The following FARP1 variants were observed in gnomAD, a reference collection of about 807,000 sequenced individuals.
FARP1 encodes the protein FERM, ARH/RhoGEF and pleckstrin domain protein 1.
FARP1 carries 52 observed loss-of-function variants against 128.8 expected under a neutral mutation model. The observed-to-expected ratio is 0.40, with a 90% CI of 0.32 to 0.51. The LOEUF is 0.51. Among genes scored for constraint, FARP1 ranks in the 20% least tolerant of loss-of-function variants. The pLI is 0.45. For missense variants in FARP1, 1,333 were observed against 1,367.9 expected, an observed-to-expected ratio of 0.97 and a Z score of 0.40; for synonymous variants, 580 against 551.8, an observed-to-expected ratio of 1.05 and a Z score of -0.72.
chr13:98,278,576 G>A (rs190680796), intron 2 of FARP1, among the ~76,000 whole-genome samples: 142 of 152,150 alleles, frequency 9.3e-4, no homozygotes, highest in African/African-American at 3.3e-3. Context: ...AACATCCTTC[G>A]TTTTCTGGTT....
At chr13:98,273,630 G>A (rs1214398450) in intron 2 of FARP1, among the ~76,000 whole-genome samples, 1 of 152,314 alleles carries the variant, frequency 6.6e-6, no homozygotes, top group South Asian at 2.1e-4. Context: ...TCTTGTCCAC[G>A]GAAGCATCTG....
intron 1 of FARP1, among the ~76,000 whole-genome samples, chr13:98,156,684 C>G (rs1475115507): frequency 6.6e-6 from 1 of 152,072 alleles, no homozygotes; most frequent in African/African-American, 2.4e-5. Context: ...ATAGGATGAG[C>G]CACTGTACCT....
At chr13:98,435,527 C>A (rs776757682) in intron 18 of FARP1, 49 bp from the exon 19 acceptor site, 1 of 1,566,912 alleles carries the variant, frequency 6.4e-7, no homozygotes, top group Non-Finnish European at 8.7e-7. Flanking sequence ...TAGGGGAAGA[C>A]CCCTGCCTGC....
At chr13:98,384,955 C>G in intron 7 of FARP1, 111 bp downstream of exon 7, 1 of 680,784 alleles carries the variant, frequency 1.5e-6, no homozygotes, top group Non-Finnish European at 2.6e-6. Context: ...GAGAACAACA[C>G]AAAGCGTGAG....
chr13:98,443,418 TCA>T (rs1892611316), intron 24 of FARP1, among the ~76,000 whole-genome samples: 1 of 152,100 alleles, frequency 6.6e-6, no homozygotes, highest in Non-Finnish European at 1.5e-5. Flanking sequence ...CAGGCAGCCC[TCA>T]TGTGCCAGAC....
At chr13:98,215,301 T>G (rs1880992214) in intron 2 of FARP1, among the ~76,000 whole-genome samples, 1 of 152,184 alleles carries the variant, frequency 6.6e-6, no homozygotes, top group African/African-American at 2.4e-5. Context: ...TCTAATAAAC[T>G]CCTGTGCATT....
At chr13:98,251,392 C>G (rs2139492074) in intron 2 of FARP1, among the ~76,000 whole-genome samples, 1 of 152,184 alleles carries the variant, frequency 6.6e-6, no homozygotes, top group Middle Eastern at 3.4e-3. Context: ...TAGAAAGTCC[C>G]CACTGGGGGC....
At chr13:98,355,371 T>C (rs1478242567) in intron 3 of FARP1, among the ~76,000 whole-genome samples, 2 of 152,058 alleles carry the variant, frequency 1.3e-5, no homozygotes, top group African/African-American at 2.4e-5. Context: ...CTCATTTTGG[T>C]TTTTAAAAAG....
At chr13:98,189,066 TTCCCATGATG>T (rs1299628867) in intron 1 of FARP1, among the ~76,000 whole-genome samples, 4 of 152,138 alleles carry the variant, frequency 2.6e-5, no homozygotes, top group Non-Finnish European at 5.9e-5. Flanking sequence ...TGCAGGTCAC[TTCCCATGATG>T]TCCCCAGTGA....
At position 98,262,141 on chromosome 13, in the gene FARP1, A is replaced by G. The variant is rs147315225; in HGVS notation, c.171+48728A>G. Among the ~76,000 whole-genome samples, 756 of 149,586 alleles carry G rather than the reference A, an allele frequency of 5.1e-3. 2 individuals are homozygous for G. Among genetic ancestry groups the G allele is most frequent in the African/African-American group, 0.017 (694 of 40,636 alleles). On this transcript the variant is annotated intron_variant, in intron 2 of 26. Transcript: ENST00000319562. ...AGTGATTTTCCAGCTTCAACCTCCCAAGTAGCTGGGACTGCAGGTGTGTGC... is the reference window on the plus strand; with the variant it reads ...AGTGATTTTCCAGCTTCAACCTCCCGAGTAGCTGGGACTGCAGGTGTGTGC...
intron 1 of FARP1, among the ~76,000 whole-genome samples, chr13:98,195,496 G>A (rs2139248665): frequency 6.6e-6 from 1 of 152,268 alleles, no homozygotes; most frequent in East Asian, 1.9e-4. Context: ...GAGTTTGCAT[G>A]TGCCCTGGGT....
intron 2 of FARP1, among the ~76,000 whole-genome samples, chr13:98,240,416 GA>G (rs1882700668): frequency 6.6e-6 from 1 of 152,106 alleles, no homozygotes; most frequent in East Asian, 1.9e-4. Context: ...CCAGTTTATT[GA>G]AACCTGACTT....
chr13:98,233,545 A>G (rs9556914), intron 2 of FARP1: 17,733 of 152,150 alleles, frequency 0.12, 2,502 homozygotes, highest in East Asian at 0.49. Context: ...CCCCAGCTGA[A>G]ACTTGTCCAC....
chr13:98,366,318 T>A (rs1032989095), intron 4 of FARP1, among the ~76,000 whole-genome samples: 7 of 152,216 alleles, frequency 4.6e-5, no homozygotes, highest in African/African-American at 1.7e-4. Flanking sequence ...TTGAAATTGA[T>A]GTTGATCATC....
At chr13:98,285,522 C>T (rs933874854) in intron 2 of FARP1, among the ~76,000 whole-genome samples, 13 of 152,180 alleles carry the variant, frequency 8.5e-5, no homozygotes, top group Admixed American at 4.6e-4. Flanking sequence ...GCTCATTATC[C>T]TTCCTGTAAT....
At chr13:98,197,236 G>A (rs762470224) in intron 1 of FARP1, among the ~76,000 whole-genome samples, 5 of 152,206 alleles carry the variant, frequency 3.3e-5, no homozygotes, top group Non-Finnish European at 5.9e-5. Flanking sequence ...GGAGGCCGAG[G>A]TGGGTGGATC....
At chr13:98,278,069 G>GTCAAAATCTGGTGATCTGTTATTTAAC (rs1277742853) in intron 2 of FARP1, among the ~76,000 whole-genome samples, 8 of 151,468 alleles carry the variant, frequency 5.3e-5, no homozygotes, top group Non-Finnish European at 7.4e-5. Flanking sequence ...GTTTTAAATG[G>GTCAAAATCTGGTGATCTGTTATTTAAC]AGCTTAAGGG....
intron 5 of FARP1, among the ~76,000 whole-genome samples, chr13:98,373,529 GACAGAC>G (rs1253418528): frequency 1.6e-4 from 13 of 79,244 alleles, no homozygotes; most frequent in South Asian, 7.4e-4. Flanking sequence ...GAGACAGACA[GACAGAC>G]ACACACACAC....
intron 1 of FARP1, among the ~76,000 whole-genome samples, chr13:98,193,291 C>T (rs559654816): frequency 2.6e-5 from 4 of 152,062 alleles, no homozygotes; most frequent in Non-Finnish European, 5.9e-5. Context: ...CTCCTGACCT[C>T]GTGATCCACC....
Sources: gnomAD v4.1 joint callset for allele counts (sites outside exome capture counted in the v4.1 genomes callset) on GRCh38, gnomAD v4.1.1 for gene constraint, MANE v1.5 for transcripts, NCBI Gene and HGNC (gene_info 2026-07-23, HGNC 2026-07-21) for gene names.